DEPDC1B: variants seen among roughly 807,000 people sequenced by gnomAD.
DEPDC1B encodes the protein DEP domain containing 1B, also known as DEP domain-containing protein 1B.
A neutral mutation model predicts 66.5 loss-of-function variants in DEPDC1B; 51 were observed. The ratio of observed to expected loss-of-function variants is 0.77; its 90% CI spans 0.61 to 0.97. The LOEUF is 0.97. DEPDC1B is among the 50% of genes least tolerant of loss of function. The probability of loss-of-function intolerance (pLI) is 0.00; values close to 1 mark genes in which losing one functional copy is unlikely to be tolerated. For missense variants in DEPDC1B, 552 were observed against 637.1 expected (o/e 0.87, Z 1.44); for synonymous variants, 226 against 223.6 (o/e 1.01, Z -0.10).
intron 7 of DEPDC1B, among the ~76,000 whole-genome samples, chr5:60,620,186 C>T (rs1309958053): frequency 6.6e-6 from 1 of 152,142 alleles, no homozygotes; most frequent in African/African-American, 2.4e-5. Flanking sequence ...CCATAAAAAC[C>T]CTAGAAGAAA....
At chr5:60,599,439 A>T (rs1235340421) in intron 9 of DEPDC1B, among the ~76,000 whole-genome samples, 179 bp from the exon 10 acceptor site, 1 of 152,220 alleles carries the variant, frequency 6.6e-6, no homozygotes, top group Non-Finnish European at 1.5e-5. Context: ...ACTTCAAAAT[A>T]TTATTATTTA....
chr5:60,597,644 G>A lies in DEPDC1B; in HGVS notation c.*109C>T. On this transcript the variant is annotated 3_prime_UTR_variant, in exon 11 of 11. Coordinates refer to ENST00000265036, the MANE Select transcript of DEPDC1B (RefSeq NM_018369.3). ...GGCAATCTTTATCTATATTTCAGTA[G>A]TCTTTGTTTTATGCTTTTCTTTCTT... The A allele has an allele frequency of 1.6e-6, 2 of 1,225,512 alleles. No individual in the cohort carries two copies. The highest frequency in any genetic ancestry group is 2.3e-6 in the Non-Finnish European group (2 of 875,166). The allele number at this position is 1,225,512 out of a possible 1,614,324, so 75.9% of individuals were successfully genotyped here.
rs1359806116 is a variant in DEPDC1B, at chr5:60,597,598, CCAAA to C, written c.*151_*154del. On this transcript the variant is annotated 3_prime_UTR_variant, in exon 11 of 11. Coordinates refer to ENST00000265036, the MANE Select transcript of DEPDC1B (RefSeq NM_018369.3). Reference sequence around the variant, plus strand: ...TTGAGTTTTATAAAAATACTAATGGCCAAACATTTTTAAAAACTAAGGCAATCTT... The same window carrying C: ...TTGAGTTTTATAAAAATACTAATGGCCATTTTTAAAAACTAAGGCAATCTT... 1.0e-5 allele frequency: 8 copies of C among 801,370 alleles called. No homozygotes were observed. The highest frequency in any genetic ancestry group is 1.8e-5 in the African/African-American group (1 of 55,612). 49.6% of individuals were successfully genotyped at this position (801,370 alleles called of 1,614,324 possible). A position where few individuals can be genotyped will look rare whatever the true frequency, so the allele number is the denominator to read the frequency against.
At chr5:60,647,720 T>G (rs1753355723) in intron 2 of DEPDC1B, 187 bp from the exon 3 acceptor site, 1 of 468,040 alleles carries the variant, frequency 2.1e-6, no homozygotes, top group Non-Finnish European at 3.5e-6. Context: ...AGAAAGGTGA[T>G]TGAATACATA....
intron 1 of DEPDC1B, chr5:60,687,798 T>A (rs1292261367): frequency 4.7e-6 from 1 of 213,728 alleles, no homozygotes; most frequent in East Asian, 1.7e-4. Context: ...AGTGCTGGAA[T>A]TACAGGAGTG....
Position 60,598,785 on chromosome 5 carries a change from C to A in DEPDC1B, c.1428+290G>T, listed in dbSNP as rs567993679. Among the ~76,000 whole-genome samples, 7 of 152,228 alleles carry A rather than the reference C, an allele frequency of 4.6e-5. No homozygotes were observed. The East Asian group carries it at 7.7e-4, about 17-fold the overall frequency. Reference sequence around the variant, plus strand: ...AGCTTCTCTGAGATTAAAGCAGATGCTCTGCTAATTCACATCATGCCACAT... The same window carrying A: ...AGCTTCTCTGAGATTAAAGCAGATGATCTGCTAATTCACATCATGCCACAT... On this transcript the variant is annotated intron_variant, in intron 10 of 10. Coordinates refer to ENST00000265036, the MANE Select transcript of DEPDC1B (RefSeq NM_018369.3).
rs1584103803 is a variant in DEPDC1B, at chr5:60,687,094, T to G, written c.182A>C (p.Gln61Pro). 1 of 1,614,232 alleles carries G rather than the reference T, an allele frequency of 6.2e-7. No individual in the cohort carries two copies. Among genetic ancestry groups the G allele is most frequent in the Non-Finnish European group, 8.5e-7 (1 of 1,180,044 alleles). ...DWLHELLRCSQNFGPEVTRKQ... is the reference protein window; with the variant it reads ...DWLHELLRCSPNFGPEVTRKQ... The stretch of plus-strand genomic sequence containing the variant: ...GCGGGTCACTTCAGGGCCGAAGTTT[T>G]GACTGCACCTCAGCAGCTCATGCAG... The change falls in exon 2 of 11, where the codon CAA becomes CCA. Residue 61 changes from glutamine to proline, a missense_variant. Transcript: ENST00000265036.
Position 60,597,904 on chromosome 5 carries a change from G to A in DEPDC1B, c.1439C>T (p.Ser480Phe). 1 of 1,593,646 alleles carries A rather than the reference G, an allele frequency of 6.3e-7. No individual in the cohort carries two copies. The highest frequency in any genetic ancestry group is 8.5e-7 in the Non-Finnish European group (1 of 1,175,156). The stretch of plus-strand genomic sequence containing the variant: ...TCGTTCTTGATAGACTTCAGGATAG[G>A]ATTTCTGAAACTAAAAAAATGAATG... ...KKKKLKQFQK[S>F]YPEVYQERFP... is the part of the protein sequence containing the mutation. The change falls in exon 11 of 11, where the codon TCC (serine) becomes TTC (phenylalanine). Residue 480 changes from serine to phenylalanine, a missense_variant. By Grantham distance (155) the Ser-to-Phe change is radical. Transcript: ENST00000265036.
At chr5:60,695,564 G>A (rs933449835) in intron 1 of DEPDC1B, among the ~76,000 whole-genome samples, 1 of 152,164 alleles carries the variant, frequency 6.6e-6, no homozygotes, top group Non-Finnish European at 1.5e-5. Flanking sequence ...GAGATTTGGA[G>A]GGGATAAACG....
intron 7 of DEPDC1B, among the ~76,000 whole-genome samples, chr5:60,614,540 C>G (rs752500487): frequency 1.3e-5 from 2 of 152,108 alleles, no homozygotes; most frequent in Non-Finnish European, 2.9e-5. Flanking sequence ...TTCTAAGCCC[C>G]TGCTTAATCT....
In DEPDC1B at chr5:60,687,101, A is replaced by G; in HGVS notation, c.175T>C (p.Cys59Arg). 2 of 1,614,150 alleles carry G rather than the reference A, an allele frequency of 1.2e-6. No individual in the cohort carries two copies. Among genetic ancestry groups the G allele is most frequent in the Non-Finnish European group, 1.7e-6 (2 of 1,180,034 alleles). ...ACTTCAGGGCCGAAGTTTTGACTGC[A>G]CCTCAGCAGCTCATGCAGCCAATCC... is the stretch of plus-strand genomic sequence containing the variant. ...AVDWLHELLRCSQNFGPEVTR... is the reference protein window; with the variant it reads ...AVDWLHELLRRSQNFGPEVTR... The change falls in exon 2 of 11, where the codon TGC (cysteine) becomes CGC (arginine). Residue 59 changes from cysteine (C) to arginine (R), a missense_variant. By Grantham distance (180) the Cys-to-Arg change is radical. Coordinates refer to ENST00000265036, the MANE Select transcript of DEPDC1B (RefSeq NM_018369.3).
intron 7 of DEPDC1B, among the ~76,000 whole-genome samples, chr5:60,624,769 C>T (rs908451450): frequency 1.5e-4 from 23 of 152,166 alleles, no homozygotes; most frequent in Middle Eastern, 3.4e-3. Context: ...ATGTACAGAA[C>T]GTGCAGGTTT....
chr5:60,671,326 A>G (rs1220583028), intron 2 of DEPDC1B, among the ~76,000 whole-genome samples: 1 of 152,210 alleles, frequency 6.6e-6, no homozygotes, highest in Non-Finnish European at 1.5e-5. Flanking sequence ...GGATCTGTGA[A>G]GCACAAGAAA....
At chr5:60,676,225 C>T (rs1021152723) in intron 2 of DEPDC1B, among the ~76,000 whole-genome samples, 6 of 131,866 alleles carry the variant, frequency 4.6e-5, no homozygotes, top group Non-Finnish European at 8.6e-5. Context: ...CCACTGTGCC[C>T]GGCCTTTTTT....
intron 2 of DEPDC1B, among the ~76,000 whole-genome samples, chr5:60,672,448 G>A (rs1554055297): frequency 2.9e-4 from 44 of 152,302 alleles, no homozygotes; most frequent in Non-Finnish European, 2.9e-5. Flanking sequence ...GGTGGCAGGA[G>A]AGAAAGAAAG....
At chr5:60,688,456 C>T (rs1754472491) in intron 1 of DEPDC1B, among the ~76,000 whole-genome samples, 1 of 152,142 alleles carries the variant, frequency 6.6e-6, no homozygotes, top group Non-Finnish European at 1.5e-5. Flanking sequence ...AGACAAGCCT[C>T]CATTACTCCC....
chr5:60,679,182 T>C (rs1220815003), intron 2 of DEPDC1B, among the ~76,000 whole-genome samples: 1 of 152,194 alleles, frequency 6.6e-6, no homozygotes, highest in African/African-American at 2.4e-5. Context: ...AGAATTTACA[T>C]CTTTGTAAAA....
At chr5:60,645,397 C>T in intron 4 of DEPDC1B, 95 bp downstream of exon 4, 1 of 1,226,668 alleles carries the variant, frequency 8.2e-7, no homozygotes, top group Non-Finnish European at 1.1e-6. Flanking sequence ...GATTTTTATA[C>T]ATAATTTCAG....
At chr5:60,663,006 T>C (rs1364421354) in intron 2 of DEPDC1B, among the ~76,000 whole-genome samples, 5 of 152,170 alleles carry the variant, frequency 3.3e-5, no homozygotes, top group Non-Finnish European at 2.9e-5. Flanking sequence ...AAGTTATGAT[T>C]GGGGAACTTC....
Sources: allele counts gnomAD v4.1 joint callset (sites outside exome capture counted in the v4.1 genomes callset), GRCh38; gene constraint gnomAD v4.1.1; transcripts MANE v1.5; gene names NCBI Gene and HGNC (gene_info 2026-07-23, HGNC 2026-07-21).